TMEM132D: variants seen among roughly 807,000 people sequenced by gnomAD.
TMEM132D encodes transmembrane protein 132D.
In TMEM132D, 21 loss-of-function variants were observed where a neutral mutation model predicts 62.3. The ratio of observed to expected loss-of-function variants is 0.34; its 90% confidence interval spans 0.24 to 0.49. TMEM132D has a LOEUF of 0.49. Ranked by LOEUF, TMEM132D falls within the 20% of genes least tolerant of loss-of-function variation. TMEM132D has a pLI of 0.99. For missense variants in TMEM132D, 1,346 were observed against 1,402.8 expected (o/e 0.96, Z 0.65); for synonymous variants, 621 against 575.6 (o/e 1.08, Z -1.13).
At chr12:129,192,612 G>T (rs960109853) in intron 5 of TMEM132D, among the ~76,000 whole-genome samples, 3 of 152,140 alleles carry the variant, frequency 2.0e-5, no homozygotes, top group African/African-American at 7.2e-5. Context: ...ACATATTTTT[G>T]CCATTGGTGT....
At chr12:129,751,539 T>C (rs1449031318) in intron 1 of TMEM132D, among the ~76,000 whole-genome samples, 1 of 116,124 alleles carries the variant, frequency 8.6e-6, no homozygotes, top group Non-Finnish European at 2.1e-5. Flanking sequence ...GCTCCCTGCA[T>C]CCACCAGAGT....
intron 2 of TMEM132D, among the ~76,000 whole-genome samples, chr12:129,537,082 C>G (rs1308470268): frequency 6.8e-6 from 1 of 146,644 alleles, no homozygotes; most frequent in East Asian, 2.1e-4. Context: ...ATTGCTTGAA[C>G]CCGGGAGGCA....
chr12:129,570,108 T>C (rs777044653), intron 2 of TMEM132D, among the ~76,000 whole-genome samples: 2 of 152,230 alleles, frequency 1.3e-5, no homozygotes, highest in Non-Finnish European at 1.5e-5. Context: ...AATGGTACGA[T>C]ACAAGAGTCT....
chr12:129,121,674 A>C (rs986281516), intron 5 of TMEM132D, among the ~76,000 whole-genome samples: 2 of 152,176 alleles, frequency 1.3e-5, no homozygotes, highest in African/African-American at 4.8e-5. Context: ...AGGAAAATGC[A>C]GTCAAAGGAA....
chr12:129,815,253 A>T (rs1327796673), intron 1 of TMEM132D, among the ~76,000 whole-genome samples: 1 of 152,222 alleles, frequency 6.6e-6, no homozygotes, highest in Non-Finnish European at 1.5e-5. Flanking sequence ...ACCACAAAAA[A>T]AAATCCACAG....
chr12:129,289,325 C>T (rs1881383953), intron 4 of TMEM132D, among the ~76,000 whole-genome samples: 1 of 152,002 alleles, frequency 6.6e-6, no homozygotes, highest in Non-Finnish European at 1.5e-5. Flanking sequence ...AGGCAGATGA[C>T]CTGAGTTCAG....
intron 1 of TMEM132D, among the ~76,000 whole-genome samples, chr12:129,743,605 A>T (rs1006186105): frequency 6.7e-6 from 1 of 149,738 alleles, no homozygotes; most frequent in Middle Eastern, 3.4e-3. Flanking sequence ...GAATGGACTA[A>T]TGCATCCCCC....
intron 4 of TMEM132D, among the ~76,000 whole-genome samples, chr12:129,275,111 C>A (rs892490350): frequency 2.0e-5 from 3 of 151,960 alleles, no homozygotes; most frequent in Non-Finnish European, 2.9e-5. Context: ...GAGACCCCAC[C>A]TTTTTAAAAA....
At chr12:129,199,719 A>G (rs1878646432) in intron 5 of TMEM132D, among the ~76,000 whole-genome samples, 2 of 152,210 alleles carry the variant, frequency 1.3e-5, no homozygotes, top group South Asian at 4.1e-4. Context: ...GGCATGTCTT[A>G]CATGGTGGCA....
chr12:129,825,183 A>ATT (rs544055609), intron 1 of TMEM132D, among the ~76,000 whole-genome samples: 2 of 137,970 alleles, frequency 1.4e-5, no homozygotes, highest in Non-Finnish European at 3.2e-5. Context: ...TAATTTTTGT[A>ATT]TTTTTTTTTT....
intron 2 of TMEM132D, among the ~76,000 whole-genome samples, chr12:129,695,917 T>A (rs1259429732): frequency 6.6e-6 from 1 of 152,192 alleles, no homozygotes; most frequent in African/African-American, 2.4e-5. Flanking sequence ...AACCCTTTTA[T>A]TTATTATTTT....
At chr12:129,725,344 CAAAAAAT>C (rs1439034074) in intron 1 of TMEM132D, among the ~76,000 whole-genome samples, 2 of 152,080 alleles carry the variant, frequency 1.3e-5, no homozygotes, top group African/African-American at 2.4e-5. Flanking sequence ...TATCTGGAAA[CAAAAAAT>C]AAAAAATAAA....
chr12:129,205,251 A>G (rs945028476), intron 5 of TMEM132D, among the ~76,000 whole-genome samples: 5 of 152,154 alleles, frequency 3.3e-5, no homozygotes, highest in African/African-American at 1.2e-4. Flanking sequence ...ACTTAATGGT[A>G]TGCTGTCTTT....
intron 5 of TMEM132D, among the ~76,000 whole-genome samples, chr12:129,097,146 C>A (rs909320949): frequency 1.3e-5 from 2 of 152,246 alleles, no homozygotes; most frequent in African/African-American, 4.8e-5. Context: ...CTGTAGGAGG[C>A]TATCCAGGGC....
chr12:129,350,898 G>A (rs371440601), intron 3 of TMEM132D, among the ~76,000 whole-genome samples: 25 of 152,320 alleles, frequency 1.6e-4, no homozygotes, highest in African/African-American at 5.8e-4. Flanking sequence ...CCCAACTTTA[G>A]GTTATGCTAT....
intron 3 of TMEM132D, among the ~76,000 whole-genome samples, chr12:129,353,680 G>A (rs911927351): frequency 1.3e-5 from 2 of 152,182 alleles, no homozygotes; most frequent in African/African-American, 2.4e-5. Context: ...CTGGGAATGG[G>A]ACCTGCCTGT....
At chr12:129,196,105 C>T (rs763694304) in intron 5 of TMEM132D, among the ~76,000 whole-genome samples, 24 of 151,550 alleles carry the variant, frequency 1.6e-4, no homozygotes, top group Non-Finnish European at 2.2e-4. Context: ...CCAACCTGGG[C>T]GACAGAGTGA....
intron 2 of TMEM132D, among the ~76,000 whole-genome samples, chr12:129,622,490 G>A (rs531305995): frequency 2.0e-5 from 3 of 152,208 alleles, no homozygotes; most frequent in Admixed American, 6.5e-5. Context: ...CCAGCTGACC[G>A]ACTATATCCT....
intron 1 of TMEM132D, among the ~76,000 whole-genome samples, chr12:129,745,411 G>C (rs1046746675): frequency 2.6e-5 from 4 of 152,094 alleles, no homozygotes; most frequent in Non-Finnish European, 4.4e-5. Flanking sequence ...AGAGATCTGG[G>C]GGGTTGATGC....
Sources: gnomAD v4.1 joint callset for allele counts (sites outside exome capture counted in the v4.1 genomes callset) on GRCh38, gnomAD v4.1.1 for gene constraint, MANE v1.5 for transcripts, NCBI Gene and HGNC (gene_info 2026-07-23, HGNC 2026-07-21) for gene names.